The following TMEM196 variants were observed in gnomAD, a reference collection of about 807,000 sequenced individuals.
TMEM196 encodes the protein transmembrane protein 196.
TMEM196 carries 17 observed loss-of-function variants against 20.0 expected under a neutral mutation model. The observed-to-expected ratio is 0.85, with a 90% CI of 0.58 to 1.27. The LOEUF (loss-of-function observed/expected upper bound fraction) is 1.27, where lower values mean the gene tolerates loss of function less well. Ranked by LOEUF, TMEM196 falls within the 50% of genes most tolerant of loss-of-function variation. TMEM196 has a pLI of 0.00. For missense variants in TMEM196, 267 were observed against 223.0 expected, an observed-to-expected ratio of 1.20 and a Z score of -1.26; for synonymous variants, 113 against 88.9, an observed-to-expected ratio of 1.27 and a Z score of -1.52.
chr7:19,733,457 G>A (rs1028197212), intron 1 of TMEM196, among the ~76,000 whole-genome samples: 1 of 152,182 alleles, frequency 6.6e-6, no homozygotes, highest in Non-Finnish European at 1.5e-5. Context: ...ACCTGTTGCA[G>A]AGTAAGGGAG....
At chr7:19,736,128 C>T (rs1784390854) in intron 1 of TMEM196, among the ~76,000 whole-genome samples, 1 of 151,750 alleles carries the variant, frequency 6.6e-6, no homozygotes, top group Non-Finnish European at 1.5e-5. Flanking sequence ...AATAGTTTTA[C>T]TCTACTTCAC....
At chr7:19,748,359 C>G (rs187660843) in intron 1 of TMEM196, among the ~76,000 whole-genome samples, 2 of 142,808 alleles carry the variant, frequency 1.4e-5, no homozygotes, top group African/African-American at 2.6e-5. Flanking sequence ...ACATTATAAT[C>G]ATTGAGCATT....
chr7:19,749,025 C>T (rs1784864176), intron 1 of TMEM196, among the ~76,000 whole-genome samples: 1 of 152,074 alleles, frequency 6.6e-6, no homozygotes, highest in Non-Finnish European at 1.5e-5. Flanking sequence ...GTGATTATCT[C>T]TGAGTGGCAG....
At chr7:19,760,370 T>G (rs1433139888) in intron 1 of TMEM196, among the ~76,000 whole-genome samples, 1 of 140,484 alleles carries the variant, frequency 7.1e-6, no homozygotes, top group East Asian at 2.1e-4. Context: ...TTTTTTTTTT[T>G]TTTTTTTTGA....
intron 1 of TMEM196, among the ~76,000 whole-genome samples, chr7:19,770,114 C>T (rs901470208): frequency 6.6e-6 from 1 of 152,194 alleles, no homozygotes; most frequent in Non-Finnish European, 1.5e-5. Context: ...TCCTGATAAA[C>T]TTCCAAGATC....
intron 1 of TMEM196, among the ~76,000 whole-genome samples, chr7:19,771,123 C>T (rs887846375): frequency 1.3e-5 from 2 of 152,064 alleles, no homozygotes; most frequent in African/African-American, 4.8e-5. Context: ...AAAACAAGAA[C>T]AATAACTACA....
chr7:19,735,386 T>C (rs2128019589), intron 1 of TMEM196, among the ~76,000 whole-genome samples: 1 of 152,340 alleles, frequency 6.6e-6, no homozygotes, highest in East Asian at 1.9e-4. Context: ...AAAAGTACTC[T>C]GTTAGAATTT....
intron 1 of TMEM196, among the ~76,000 whole-genome samples, chr7:19,755,234 T>C (rs1433126149): frequency 6.6e-6 from 1 of 152,246 alleles, no homozygotes; most frequent in Non-Finnish European, 1.5e-5. Context: ...ACTGATGCCC[T>C]GATCATACTT....
chr7:19,753,888 T>C (rs965969893), intron 1 of TMEM196, among the ~76,000 whole-genome samples: 7 of 152,198 alleles, frequency 4.6e-5, no homozygotes, highest in African/African-American at 1.7e-4. Context: ...TCTCTCCTCC[T>C]CTCTTTTCAA....
At chr7:19,730,939 T>A (rs769640252) in intron 1 of TMEM196, among the ~76,000 whole-genome samples, 1 of 152,194 alleles carries the variant, frequency 6.6e-6, no homozygotes, top group Non-Finnish European at 1.5e-5. Context: ...TAGAATAATG[T>A]GTTAACGTTC....
intron 1 of TMEM196, among the ~76,000 whole-genome samples, chr7:19,735,192 C>A (rs1784353157): frequency 1.3e-5 from 2 of 151,782 alleles, no homozygotes; most frequent in Admixed American, 6.6e-5. Context: ...AACTAAAAGA[C>A]AAATTTTTTA....
chr7:19,722,113 T>C lies in TMEM196; in HGVS notation c.*15A>G. The stretch of plus-strand genomic sequence containing the variant: ...TTAAATATCAGCTGTGGTCCTCCAT[T>C]GCTCATGTTGTCTGTTATTTCCTGT... On this transcript the variant is annotated 3_prime_UTR_variant, in exon 5 of 5. Transcript: ENST00000405844. 1 of 1,609,898 alleles carries C rather than the reference T, an allele frequency of 6.2e-7. No individual in the cohort carries two copies. The highest frequency in any genetic ancestry group is 8.5e-7 in the Non-Finnish European group (1 of 1,178,060).
intron 1 of TMEM196, among the ~76,000 whole-genome samples, chr7:19,741,058 T>C (rs947292249): frequency 6.6e-6 from 1 of 152,182 alleles, no homozygotes. Flanking sequence ...CTTCATTTTG[T>C]AAAGCATTTT....
intron 1 of TMEM196, among the ~76,000 whole-genome samples, chr7:19,760,021 A>G (rs1361262098): frequency 6.6e-6 from 1 of 152,132 alleles, no homozygotes; most frequent in Non-Finnish European, 1.5e-5. Context: ...TTTTATAATT[A>G]CGGAAAAATC....
Position 19,729,411 on chromosome 7 carries a change from A to C in TMEM196, c.175T>G (p.Leu59Val), listed in dbSNP as rs1234848610. ...AGTCCTGATTTTTTTTTGGCACACA[A>C]TATTCCACAAATGCCACAAAGAAGA... Reference protein sequence around the residue: ...PFLLCGICGILCAKKKSGLVM... With the variant: ...PFLLCGICGIVCAKKKSGLVM... The change falls in exon 2 of 5, where the codon TTG becomes GTG. Residue 59 changes from leucine (L) to valine (V), a missense_variant. Leu to Val is a conservative substitution (Grantham distance 32). Transcript: ENST00000405844. 6.4e-7 allele frequency: 1 copy of C among 1,550,954 alleles called. No homozygotes were observed. The highest frequency in any genetic ancestry group is 8.7e-7 in the Non-Finnish European group (1 of 1,146,804).
rs963740330 is a variant in TMEM196, at chr7:19,721,965, A to C, written c.*163T>G. The C allele has an allele frequency of 6.5e-5, 57 of 874,296 alleles. No homozygotes were observed. Among genetic ancestry groups the C allele is most frequent in the Middle Eastern group, 2.5e-4 (1 of 3,980 alleles). The allele number at this position is 874,296 out of a possible 1,614,324, so 54.2% of individuals were successfully genotyped here. On this transcript the variant is annotated 3_prime_UTR_variant, in exon 5 of 5. Coordinates refer to ENST00000405844, the MANE Select transcript of TMEM196 (RefSeq NM_001363562.2). ...TTTTTAGGAAGAATAATTTTAGTGG[A>C]TGCTCAGGAGAGATAAATGCAAATG... is the stretch of plus-strand genomic sequence containing the variant.
chr7:19,743,824 C>T (rs1260666312), intron 1 of TMEM196, among the ~76,000 whole-genome samples: 2 of 152,006 alleles, frequency 1.3e-5, no homozygotes, highest in East Asian at 3.8e-4. Context: ...CTTGACAAGG[C>T]AAATAGGGAG....
At chr7:19,754,994 G>A (rs1338050349) in intron 1 of TMEM196, among the ~76,000 whole-genome samples, 1 of 152,148 alleles carries the variant, frequency 6.6e-6, no homozygotes, top group Non-Finnish European at 1.5e-5. Context: ...GAGACTAATG[G>A]TAATATCACG....
chr7:19,736,353 CTATATATATATA>C (rs71017071), intron 1 of TMEM196, among the ~76,000 whole-genome samples: 505 of 37,908 alleles, frequency 0.013, 2 homozygotes, highest in East Asian at 0.041. Context: ...GTGGTTCCTA[CTATATATATATA>C]TATATATATA....
Sources: allele counts gnomAD v4.1 joint callset (sites outside exome capture counted in the v4.1 genomes callset), GRCh38; gene constraint gnomAD v4.1.1; transcripts MANE v1.5; gene names NCBI Gene and HGNC (gene_info 2026-07-23, HGNC 2026-07-21).